Variants in CACNA1S observed in about 807,000 individuals in gnomAD.
The protein encoded by CACNA1S is calcium voltage-gated channel subunit alpha1 S, also known as voltage-dependent L-type calcium channel subunit alpha-1S.
A neutral mutation model predicts 207.4 loss-of-function variants in CACNA1S; 126 were observed. The ratio of observed to expected loss-of-function variants is 0.61; its 90% CI spans 0.53 to 0.70. The LOEUF is 0.70. Among genes scored for constraint, CACNA1S ranks in the 30% least tolerant of loss-of-function variants. CACNA1S has a pLI of 0.00. For synonymous variants in CACNA1S, 960 were observed against 932.7 expected (o/e 1.03, Z -0.53); for missense variants, 2,349 against 2,422.8 (o/e 0.97, Z 0.64).
intron 2 of CACNA1S, among the ~76,000 whole-genome samples, chr1:201,095,438 A>C (rs540107179): frequency 6.6e-6 from 1 of 152,174 alleles, no homozygotes; most frequent in Non-Finnish European, 1.5e-5. Flanking sequence ...TATGGAAGAT[A>C]ATTTATTTTT....
At position 201,074,404 on chromosome 1, in the gene CACNA1S, A is replaced by G. The variant is rs368030447; in HGVS notation, c.2063+102T>C. On this transcript the variant is annotated intron_variant, in intron 14 of 43. Transcript: ENST00000362061. ...CCACTGAGGTGGGTGTCACCATGTC[A>G]GGGACCCTGATCATTGGGTTACAGG... 1.6e-5 allele frequency: 12 copies of G among 761,114 alleles called. No individual in the cohort carries two copies. The African/African-American group carries it at 2.1e-4, about 13-fold the overall frequency. 47.1% of individuals were successfully genotyped at this position (761,114 alleles called of 1,614,324 possible).
At position 201,065,953 on chromosome 1, in the gene CACNA1S, C is replaced by G. The variant is rs1572039133; in HGVS notation, c.2746-8G>C. On this transcript the variant is annotated splice_region_variant and splice_polypyrimidine_tract_variant and intron_variant, in intron 21 of 43. Transcript: ENST00000362061. ...CATGCACTGCACCACGTGCTGGGGA[C>G]AGAGGGGCCAATGGGGACTGGGGGT... is the stretch of plus-strand genomic sequence containing the variant. 22 of 1,595,204 alleles carry G rather than the reference C, an allele frequency of 1.4e-5. No homozygotes were observed. Among genetic ancestry groups the G allele is most frequent in the Non-Finnish European group, 1.9e-5 (22 of 1,164,324 alleles).
intron 26 of CACNA1S, among the ~76,000 whole-genome samples, chr1:201,059,646 A>G (rs984490579): frequency 4.6e-5 from 7 of 152,212 alleles, no homozygotes; most frequent in African/African-American, 1.7e-4. Context: ...CAGGTCGTCC[A>G]GGCAGGGCTC....
At chr1:201,072,066 A>T (rs1406222005) in intron 16 of CACNA1S, among the ~76,000 whole-genome samples, 3 of 152,168 alleles carry the variant, frequency 2.0e-5, no homozygotes, top group Non-Finnish European at 4.4e-5. Flanking sequence ...TGACCCGGTG[A>T]TCCGAAGGAC....
intron 10 of CACNA1S, among the ~76,000 whole-genome samples, chr1:201,082,076 T>C (rs1661860802): frequency 6.9e-6 from 1 of 145,064 alleles, no homozygotes; most frequent in Non-Finnish European, 1.5e-5. Flanking sequence ...GTCACCAGGC[T>C]GGAGTGCAGT....
chr1:201,046,562 A>G (rs1660478514), intron 38 of CACNA1S, among the ~76,000 whole-genome samples: 1 of 150,156 alleles, frequency 6.7e-6, no homozygotes, highest in Non-Finnish European at 1.5e-5. Context: ...TTTTCTTTTG[A>G]GACACAGTCT....
Position 201,110,286 on chromosome 1 carries a change from G to T in CACNA1S, c.153-17C>A. ...TCGAAGGGCCTGGAGCCAGGGTTAA[G>T]GAGAGCCCTCGAGTGAGGCAAGGGA... On this transcript the variant is annotated splice_polypyrimidine_tract_variant and intron_variant, in intron 1 of 43. Transcript: ENST00000362061. The T allele has an allele frequency of 6.2e-7, 1 of 1,611,908 alleles. No individual in the cohort carries two copies. The highest frequency in any genetic ancestry group is 8.5e-7 in the Non-Finnish European group (1 of 1,177,936).
chr1:201,092,427 AC>A (rs1662270670), intron 3 of CACNA1S, among the ~76,000 whole-genome samples: 1 of 151,816 alleles, frequency 6.6e-6, no homozygotes, highest in Non-Finnish European at 1.5e-5. Context: ...GGGGCTGAGT[AC>A]CCCCAACACG....
Position 201,047,608 on chromosome 1 carries a change from T to G in CACNA1S, c.4460A>C (p.Asn1487Thr). 1 of 1,614,142 alleles carries G rather than the reference T, an allele frequency of 6.2e-7. No individual in the cohort carries two copies. The highest frequency in any genetic ancestry group is 8.5e-7 in the Non-Finnish European group (1 of 1,179,966). The change falls in exon 37 of 44, where the codon AAC becomes ACC. Residue 1487 changes from asparagine (N) to threonine (T), a missense_variant. Transcript: ENST00000362061. ...CTTGATGATGGCCCTCAGCTCCTCG[T>G]TGGCCTGCTCAAAGTTACCTGGAGC... ...IKTEGNFEQANEELRAIIKKI... is the reference protein window; with the variant it reads ...IKTEGNFEQATEELRAIIKKI...
chr1:201,068,668 C>G (rs573239272), intron 19 of CACNA1S, among the ~76,000 whole-genome samples: 38 of 151,932 alleles, frequency 2.5e-4, no homozygotes, highest in Middle Eastern at 6.8e-3. Flanking sequence ...GTCAGCATAT[C>G]AAGACCATCC....
At chr1:201,047,065 GA>G (rs954284755) in intron 38 of CACNA1S, 49 bp downstream of exon 38, 4 of 1,612,676 alleles carry the variant, frequency 2.5e-6, no homozygotes, top group Non-Finnish European at 3.4e-6. Flanking sequence ...AGAGTCTGGA[GA>G]CCTGGCTCAG....
intron 12 of CACNA1S, 88 bp from the exon 13 acceptor site, chr1:201,075,703 A>T: frequency 7.0e-7 from 1 of 1,429,486 alleles, no homozygotes; most frequent in South Asian, 1.2e-5. Context: ...TTCTCCTCCA[A>T]CTCTGTGGTT....
Position 201,078,063 on chromosome 1 carries a change from T to C in CACNA1S, c.1435A>G (p.Met479Val). ...RVLLSLFTTEMLMKMYGLGLR... is the reference protein window; with the variant it reads ...RVLLSLFTTEVLMKMYGLGLR... Reference sequence around the variant, plus strand: ...CCCAGCCCGTACATCTTCATCAGCATCTCAGTGGTGAAGAGGGACAGCAGC... The same window carrying C: ...CCCAGCCCGTACATCTTCATCAGCACCTCAGTGGTGAAGAGGGACAGCAGC... The change falls in exon 11 of 44, where the codon ATG becomes GTG. Residue 479 changes from methionine to valine, a missense_variant. Transcript: ENST00000362061. The C allele has an allele frequency of 6.2e-7, 1 of 1,614,166 alleles. No homozygotes were observed. Among genetic ancestry groups the C allele is most frequent in the East Asian group, 2.2e-5 (1 of 44,882 alleles).
chr1:201,102,668 C>T (rs1662722579), intron 2 of CACNA1S, among the ~76,000 whole-genome samples: 1 of 152,204 alleles, frequency 6.6e-6, no homozygotes, highest in African/African-American at 2.4e-5. Context: ...TCCCATTTTA[C>T]AGATGAGGAA....
At chr1:201,067,425 C>A (rs1363827341) in intron 19 of CACNA1S, among the ~76,000 whole-genome samples, 1 of 152,170 alleles carries the variant, frequency 6.6e-6, no homozygotes, top group East Asian at 1.9e-4. Context: ...CCTCTCTCCT[C>A]CCTCTCCACC....
chr1:201,082,678 T>A (rs775384456), intron 10 of CACNA1S, among the ~76,000 whole-genome samples: 3 of 152,226 alleles, frequency 2.0e-5, no homozygotes, highest in Non-Finnish European at 4.4e-5. Flanking sequence ...AGTAAGCTCC[T>A]TGAAGCCAGG....
rs150646872 is a variant in CACNA1S, at chr1:201,075,554, G to A, written c.1889C>T (p.Pro630Leu). ...MYNGIMAYGG[P>L]SYPGMLVCIY... is the part of the protein sequence containing the mutation. The stretch of plus-strand genomic sequence containing the variant: ...GCACACAAGCATGCCAGGGTAGGAC[G>A]GCCCGCCGTAGGCCATGATCCCATT... The change falls in exon 13 of 44, where the codon CCG becomes CTG. Residue 630 changes from proline to leucine, a missense_variant. By Grantham distance (98) the Pro-to-Leu change is moderately conservative. Transcript: ENST00000362061. The A allele has an allele frequency of 3.2e-5, 51 of 1,614,074 alleles. No individual in the cohort carries two copies. In the African/African-American group the frequency reaches 4.1e-4, roughly 13 times the overall value.
intron 1 of CACNA1S, among the ~76,000 whole-genome samples, chr1:201,111,970 C>CTCCCCCACCCTCCTCCTCTTCCTCCTCG: frequency 6.9e-6 from 1 of 144,756 alleles, no homozygotes; most frequent in Non-Finnish European, 1.5e-5. Flanking sequence ...CTTCCTCCTC[C>CTCCCCCACCCTCCTCCTCTTCCTCCTCG]TCCCCCACCC....
chr1:201,059,631 G>A (rs993723974), intron 26 of CACNA1S, among the ~76,000 whole-genome samples: 10 of 152,228 alleles, frequency 6.6e-5, no homozygotes, highest in Non-Finnish European at 7.3e-5. Flanking sequence ...GGAGGACCAG[G>A]ATGGCAGGTC....
Sources: allele counts gnomAD v4.1 joint callset (sites outside exome capture counted in the v4.1 genomes callset), GRCh38; gene constraint gnomAD v4.1.1; transcripts MANE v1.5; gene names NCBI Gene and HGNC (gene_info 2026-07-23, HGNC 2026-07-21).